MAP1LC3B2: variants seen among roughly 807,000 people sequenced by gnomAD.
The protein encoded by MAP1LC3B2 is microtubule associated protein 1 light chain 3 beta 2.
For synonymous variants in MAP1LC3B2, 62 were observed against 57.8 expected (o/e 1.07, Z -0.33); for missense variants, 155 against 154.6 (o/e 1.00, Z -0.01).
intron 1 of MAP1LC3B2, among the ~76,000 whole-genome samples, chr12:116,561,224 A>G (rs773798717): frequency 5.0e-4 from 76 of 151,976 alleles, no homozygotes; most frequent in African/African-American, 1.6e-3. Context: ...GCAGTGAGCT[A>G]TGATGGCACC....
Position 116,575,792 on chromosome 12 carries a change from TAC to T in MAP1LC3B2, c.-101-48_-101-47del, listed in dbSNP as rs1869655329. On this transcript the variant is annotated intron_variant, in intron 1 of 1. Transcript: ENST00000556529. ...TATGATGGTGTGTGGCTGTAACATA[TAC>T]AGTTTCTGCCACAACTACTCAGCTC... 1.9e-5 allele frequency: 15 copies of T among 806,996 alleles called. No homozygotes were observed. In the Admixed American group the frequency reaches 3.4e-4, roughly 18 times the overall value. The allele number at this position is 806,996 out of a possible 1,614,324, so 50.0% of individuals were successfully genotyped here.
chr12:116,566,095 T>C (rs564877444), intron 1 of MAP1LC3B2, among the ~76,000 whole-genome samples: 2 of 152,316 alleles, frequency 1.3e-5, no homozygotes, highest in African/African-American at 2.4e-5. Flanking sequence ...AGGCCAGAAA[T>C]GCCAGTTTAT....
intron 1 of MAP1LC3B2, among the ~76,000 whole-genome samples, chr12:116,573,808 G>A (rs2136964381): frequency 6.6e-6 from 1 of 152,294 alleles, no homozygotes; most frequent in South Asian, 2.1e-4. Flanking sequence ...GCGCCCAGCT[G>A]ATATCCTTAA....
intron 1 of MAP1LC3B2, among the ~76,000 whole-genome samples, chr12:116,560,331 C>T (rs1270853904): frequency 1.3e-5 from 2 of 151,274 alleles, no homozygotes. Context: ...TCGCTGCAAC[C>T]TCTGCCTCCT....
chr12:116,560,517 G>A (rs1243062613), intron 1 of MAP1LC3B2, among the ~76,000 whole-genome samples: 1 of 152,040 alleles, frequency 6.6e-6, no homozygotes, highest in Non-Finnish European at 1.5e-5. Context: ...AAAGTCTTGG[G>A]ATTACAGGTG....
At chr12:116,560,248 A>G (rs953575081) in intron 1 of MAP1LC3B2, among the ~76,000 whole-genome samples, 1 of 125,334 alleles carries the variant, frequency 8.0e-6, no homozygotes, top group Non-Finnish European at 1.7e-5. Flanking sequence ...ATATGTATGT[A>G]TATGTATATA....
rs71095564 is a variant in MAP1LC3B2 at position 116,571,458 on chromosome 12, CTTTTTTTTTTTTTTTTTTTTTTT to C, written c.-101-4366_-101-4344del. Among the ~76,000 whole-genome samples the C allele has an allele frequency of 1.0e-4, 5 of 48,110 alleles. 1 individual carries two copies. The highest frequency in any genetic ancestry group is 1.2e-3 in the East Asian group (1 of 808). 31.6% of individuals were successfully genotyped at this position (48,110 alleles called of 152,430 possible). Reference sequence around the variant, plus strand: ...TAGATGGGAGTAAGGGACTGCTGTTCTTTTTTTTTTTTTTTTTTTTTTTTTTTTTTTTTTTTTTTTGAGACGGA... The same window carrying C: ...TAGATGGGAGTAAGGGACTGCTGTTCTTTTTTTTTTTTTTTTTGAGACGGA... On this transcript the variant is annotated intron_variant, in intron 1 of 1. Coordinates refer to ENST00000556529, the MANE Select transcript of MAP1LC3B2 (RefSeq NM_001085481.3).
At chr12:116,561,801 T>C (rs1869277248) in intron 1 of MAP1LC3B2, among the ~76,000 whole-genome samples, 1 of 152,214 alleles carries the variant, frequency 6.6e-6, no homozygotes, top group South Asian at 2.1e-4. Flanking sequence ...CTTACACAGT[T>C]GTTGTAAGGA....
chr12:116,563,961 C>A (rs1025414987), intron 1 of MAP1LC3B2, among the ~76,000 whole-genome samples: 1 of 151,954 alleles, frequency 6.6e-6, no homozygotes, highest in Non-Finnish European at 1.5e-5. Flanking sequence ...CCCAGGCTGG[C>A]CCCAAACTCC....
intron 1 of MAP1LC3B2, among the ~76,000 whole-genome samples, chr12:116,565,059 G>A (rs961293439): frequency 1.3e-5 from 2 of 152,124 alleles, no homozygotes; most frequent in Non-Finnish European, 2.9e-5. Context: ...AGAATCAGAA[G>A]AAGTTCACCC....
chr12:116,568,026 C>T (rs1226810828), intron 1 of MAP1LC3B2, among the ~76,000 whole-genome samples: 5 of 152,124 alleles, frequency 3.3e-5, no homozygotes, highest in African/African-American at 2.4e-5. Context: ...ATTTGTTGAA[C>T]GAAAGAATGA....
At chr12:116,562,261 T>C (rs1869291550) in intron 1 of MAP1LC3B2, among the ~76,000 whole-genome samples, 1 of 152,162 alleles carries the variant, frequency 6.6e-6, no homozygotes, top group African/African-American at 2.4e-5. Context: ...AATATTTGTA[T>C]CCCTGGATCC....
intron 1 of MAP1LC3B2, among the ~76,000 whole-genome samples, chr12:116,562,569 A>G (rs1869298533): frequency 6.6e-6 from 1 of 152,242 alleles, no homozygotes; most frequent in Non-Finnish European, 1.5e-5. Flanking sequence ...GCCTTGGGAA[A>G]GTCACATAAA....
In MAP1LC3B2 at chr12:116,576,133, T is replaced by C. The variant is rs1869672476; in HGVS notation, c.191T>C (p.Ile64Thr). The C allele has an allele frequency of 6.2e-7, 1 of 1,614,030 alleles. No individual in the cohort carries two copies. The change falls in exon 2 of 2, where the codon ATC becomes ACC. Residue 64 changes from isoleucine to threonine, a missense_variant. Ile to Thr is a moderately conservative substitution (Grantham distance 89). Coordinates refer to ENST00000556529, the MANE Select transcript of MAP1LC3B2 (RefSeq NM_001085481.3). ...GACCATGTCAACATGAGTGAGCTCATCAAGATAATTAGAAGGCGCTTACAG... is the reference window on the plus strand; with the variant it reads ...GACCATGTCAACATGAGTGAGCTCACCAAGATAATTAGAAGGCGCTTACAG... ...VPDHVNMSELIKIIRRRLQLN... is the reference protein window; with the variant it reads ...VPDHVNMSELTKIIRRRLQLN...
chr12:116,567,733 G>A (rs1319912087), intron 1 of MAP1LC3B2, among the ~76,000 whole-genome samples: 2 of 151,824 alleles, frequency 1.3e-5, no homozygotes, highest in African/African-American at 4.8e-5. Flanking sequence ...GGGTGACAGA[G>A]TGAGACTCTG....
intron 1 of MAP1LC3B2, among the ~76,000 whole-genome samples, chr12:116,563,273 A>G (rs532199186): frequency 3.9e-4 from 59 of 152,256 alleles, no homozygotes; most frequent in Non-Finnish European, 6.3e-4. Context: ...ACTTCTTTTA[A>G]TATTTCATAT....
rs1869673911 is a variant in MAP1LC3B2 at position 116,576,164 on chromosome 12, T to G, written c.222T>G (p.Asn74Lys). The stretch of plus-strand genomic sequence containing the variant: ...TAATTAGAAGGCGCTTACAGCTCAA[T>G]GCTAATCAGGCCTTCTTCCTGTTGG... ...IKIIRRRLQL[N>K]ANQAFFLLVN... Residue 74 changes from asparagine to lysine, a missense_variant, in exon 2 of 2, where the codon AAT becomes AAG. Physicochemically the swap from Asn to Lys is moderately conservative, Grantham distance 94 (BLOSUM62 0). Transcript: ENST00000556529. 1.2e-6 allele frequency: 2 copies of G among 1,614,002 alleles called. No individual in the cohort carries two copies. Among genetic ancestry groups the G allele is most frequent in the Admixed American group, 3.3e-5 (2 of 59,996 alleles).
At chr12:116,568,521 G>A (rs1869447964) in intron 1 of MAP1LC3B2, among the ~76,000 whole-genome samples, 1 of 152,202 alleles carries the variant, frequency 6.6e-6, no homozygotes. Context: ...CTTCAGGCTG[G>A]GGCTGGAATC....
At chr12:116,570,025 G>C (rs1805598184) in intron 1 of MAP1LC3B2, among the ~76,000 whole-genome samples, 1 of 152,130 alleles carries the variant, frequency 6.6e-6, no homozygotes, top group South Asian at 2.1e-4. Flanking sequence ...CTGCACTCCA[G>C]CCTGGCCACA....
Sources: allele counts gnomAD v4.1 joint callset (sites outside exome capture counted in the v4.1 genomes callset), GRCh38; gene constraint gnomAD v4.1.1; transcripts MANE v1.5; gene names NCBI Gene and HGNC (gene_info 2026-07-23, HGNC 2026-07-21).